Variants in ANKAR observed in about 807,000 individuals in gnomAD.
ANKAR encodes the protein ankyrin and armadillo repeat-containing protein.
ANKAR carries 136 observed loss-of-function variants against 146.2 expected under a neutral mutation model. The observed-to-expected ratio is 0.93, with a 90% confidence interval of 0.81 to 1.07. The LOEUF is 1.07. Among genes scored for constraint, ANKAR ranks in the 50% least tolerant of loss-of-function variants. The pLI is 0.00. For missense variants in ANKAR, 1,567 were observed against 1,679.9 expected, an observed-to-expected ratio of 0.93 and a Z score of 1.18; for synonymous variants, 500 against 575.8, an observed-to-expected ratio of 0.87 and a Z score of 1.88.
chr2:189,717,003 G>T (rs2040553143), intron 10 of ANKAR, among the ~76,000 whole-genome samples: 1 of 151,956 alleles, frequency 6.6e-6, no homozygotes, highest in Non-Finnish European at 1.5e-5. Context: ...GAAAACCTAG[G>T]CAATACCATT....
chr2:189,724,152 A>G (rs530692630), intron 12 of ANKAR, among the ~76,000 whole-genome samples: 41 of 152,314 alleles, frequency 2.7e-4, no homozygotes, highest in African/African-American at 9.4e-4. Flanking sequence ...TGAGTTGGCC[A>G]TGGGTAGAGG....
intron 3 of ANKAR, 125 bp from the exon 4 acceptor site, chr2:189,692,130 G>T: frequency 1.3e-6 from 1 of 764,982 alleles, no homozygotes; most frequent in Non-Finnish European, 2.0e-6. Context: ...CACTATAATT[G>T]CCAAGATTTT....
rs10202658 is a variant in ANKAR, at chr2:189,686,891, C to T, written c.602-2636C>T. 3.2e-3 allele frequency among the ~76,000 whole-genome samples: 485 copies of T among 152,190 alleles called. 1 individual carries two copies. The highest frequency in any genetic ancestry group is 0.011 in the African/African-American group (466 of 41,534). On this transcript the variant is annotated intron_variant, in intron 2 of 22. Transcript: ENST00000684021. ...TATATATTTATGAGATATTTTCACA[C>T]GGCATACAATGCCTAATAATCACAT...
chr2:189,749,725 T>TA (rs550596887), downstream of ANKAR, among the ~76,000 whole-genome samples: 74 of 152,322 alleles, frequency 4.9e-4, no homozygotes, highest in Admixed American at 7.8e-4. Flanking sequence ...ATAGACATCC[T>TA]ATTTACTCCA....
chr2:189,718,452 T>C (rs2105772622), intron 10 of ANKAR, among the ~76,000 whole-genome samples: 1 of 152,312 alleles, frequency 6.6e-6, no homozygotes, highest in East Asian at 1.9e-4. Flanking sequence ...AATGTGGTTA[T>C]TGAACTCACG....
intron 14 of ANKAR, 83 bp from the exon 15 acceptor site, chr2:189,728,577 A>G: frequency 6.6e-7 from 1 of 1,521,752 alleles, no homozygotes; most frequent in Non-Finnish European, 8.9e-7. Flanking sequence ...AGCTGGGATT[A>G]CAAGTGTCAG....
chr2:189,744,783 A>G lies in ANKAR; in HGVS notation c.4052A>G (p.Lys1351Arg). The stretch of plus-strand genomic sequence containing the variant: ...GGACCATCCATAATTCCTATCTTTA[A>G]AAGAGGTAATTGATTTTTCTTTTAT... Reference protein sequence around the residue: ...NGGPSIIPIFKRGKEHRRKLK... With the variant: ...NGGPSIIPIFRRGKEHRRKLK... Residue 1351 changes from lysine (K) to arginine (R), a missense_variant, in exon 22 of 23, where the codon AAA (lysine) becomes AGA (arginine). By Grantham distance (26) the Lys-to-Arg change is conservative (BLOSUM62 2). Coordinates refer to ENST00000684021, the MANE Select transcript of ANKAR (RefSeq NM_001378068.1). The G allele has an allele frequency of 6.3e-7, 1 of 1,586,344 alleles. No individual in the cohort carries two copies. Among genetic ancestry groups the G allele is most frequent in the Non-Finnish European group, 8.6e-7 (1 of 1,157,180 alleles).
chr2:189,734,244 G>A (rs1435450784), intron 17 of ANKAR, among the ~76,000 whole-genome samples: 1 of 152,164 alleles, frequency 6.6e-6, no homozygotes, highest in African/African-American at 2.4e-5. Context: ...CTTAAGGTGA[G>A]ACACTTTGAG....
At position 189,692,259 on chromosome 2, in the gene ANKAR, C is replaced by T. The variant is rs914290395; in HGVS notation, c.1044C>T (p.Asp348=). The change falls in exon 4 of 23, where the codon GAC becomes GAT. Residue 348 remains aspartate (D), a synonymous_variant. Transcript: ENST00000684021. Reference sequence around the variant, plus strand: ...AATTTGTTTTCATTTTTGGAGATGACAAGGTCAAGACAGAGCGAGAATTGC... The same window carrying T: ...AATTTGTTTTCATTTTTGGAGATGATAAGGTCAAGACAGAGCGAGAATTGC... ...LSSLLQPFSD[D]KVKTERELPP... The T allele has an allele frequency of 5.7e-6, 9 of 1,588,134 alleles. No homozygotes were observed. The African/African-American group carries it at 1.2e-4, about 22-fold the overall frequency.
chr2:189,720,654 A>C lies in ANKAR; in HGVS notation c.2502A>C (p.Leu834Phe). The change falls in exon 12 of 23, where the codon TTA becomes TTC. Residue 834 changes from leucine to phenylalanine, a missense_variant. Leu to Phe is a conservative substitution (Grantham distance 22). Transcript: ENST00000684021. ...GIPSLINLLN[L>F]NIENVLVNVM... ...CAAGCCTGATAAATCTATTGAACTTAAACATAGAAAATGTGCTAGTAAATG... is the reference window on the plus strand; with the variant it reads ...CAAGCCTGATAAATCTATTGAACTTCAACATAGAAAATGTGCTAGTAAATG... The C allele has an allele frequency of 7.2e-7, 1 of 1,388,856 alleles. No homozygotes were observed. Among genetic ancestry groups the C allele is most frequent in the African/African-American group, 1.5e-5 (1 of 67,224 alleles). 86.0% of individuals were successfully genotyped at this position (1,388,856 alleles called of 1,614,324 possible).
chr2:189,730,706 C>T, intron 16 of ANKAR, 105 bp downstream of exon 16: 1 of 485,890 alleles, frequency 2.1e-6, no homozygotes, highest in Non-Finnish European at 3.3e-6. Flanking sequence ...AATATTTAAT[C>T]TTTTAAACTA....
rs751994610 is a variant in ANKAR at position 189,692,393 on chromosome 2, T to C, written c.1178T>C (p.Ile393Thr). The C allele has an allele frequency of 8.7e-6, 14 of 1,611,768 alleles. No homozygotes were observed. Among genetic ancestry groups the C allele is most frequent in the Admixed American group, 8.4e-5 (5 of 59,488 alleles). ...GAATTTGATATCAGCACCCCTTCAATTGAGAATGCCTTGGAAGATTTTCAG... is the reference window on the plus strand; with the variant it reads ...GAATTTGATATCAGCACCCCTTCAACTGAGAATGCCTTGGAAGATTTTCAG... ...GIEFDISTPS[I>T]ENALEDFQKN... Residue 393 changes from isoleucine to threonine, a missense_variant, in exon 4 of 23, where the codon ATT becomes ACT. Physicochemically the swap from Ile to Thr is moderately conservative, Grantham distance 89 (BLOSUM62 -1). Coordinates refer to ENST00000684021, the MANE Select transcript of ANKAR (RefSeq NM_001378068.1).
chr2:189,692,540 C>T (rs1484098211), intron 4 of ANKAR, 122 bp downstream of exon 4: 13 of 830,728 alleles, frequency 1.6e-5, no homozygotes, highest in Non-Finnish European at 2.3e-5. Context: ...ATTCTCACAA[C>T]TCAATAATTT....
intron 20 of ANKAR, among the ~76,000 whole-genome samples, chr2:189,742,904 T>A (rs1164514186): frequency 9.5e-5 from 1 of 10,542 alleles, no homozygotes. Flanking sequence ...TAGAATTACC[T>A]GACACACACA....
intron 1 of ANKAR, 26 bp from the exon 2 acceptor site, chr2:189,676,430 A>G: frequency 1.4e-6 from 2 of 1,451,132 alleles, no homozygotes; most frequent in Admixed American, 2.6e-5. Context: ...TTTTATTGAT[A>G]ATCTTTTCCT....
intron 7 of ANKAR, among the ~76,000 whole-genome samples, chr2:189,704,566 TA>T (rs1468498214): frequency 2.9e-5 from 3 of 104,622 alleles, no homozygotes; most frequent in East Asian, 3.3e-4. Flanking sequence ...TATATATATA[TA>T]TATATATATA....
chr2:189,689,403 A>C, intron 2 of ANKAR, 124 bp from the exon 3 acceptor site: 1 of 821,810 alleles, frequency 1.2e-6, no homozygotes, highest in South Asian at 1.9e-5. Context: ...ACAGCATCTA[A>C]TTTTTCCTTT....
intron 2 of ANKAR, among the ~76,000 whole-genome samples, chr2:189,685,310 G>GT (rs1052563765): frequency 5.4e-4 from 81 of 150,292 alleles, no homozygotes; most frequent in East Asian, 5.8e-4. Context: ...AACAATCGTG[G>GT]TTTTTTTTTC....
chr2:189,751,588 G>A (rs1455540422), downstream of ANKAR, among the ~76,000 whole-genome samples: 1 of 151,428 alleles, frequency 6.6e-6, no homozygotes, highest in African/African-American at 2.4e-5. Flanking sequence ...GCGATTACAG[G>A]TGCCTGCCAC....
Sources: gnomAD v4.1 joint callset for allele counts (sites outside exome capture counted in the v4.1 genomes callset) on GRCh38, gnomAD v4.1.1 for gene constraint, MANE v1.5 for transcripts, NCBI Gene and HGNC (gene_info 2026-07-23, HGNC 2026-07-21) for gene names.